Variants in MAOB observed in about 807,000 individuals in gnomAD.
The protein encoded by MAOB is monoamine oxidase B, also known as amine oxidase [flavin-containing] B.
MAOB carries 15 observed loss-of-function variants against 41.9 expected under a neutral mutation model. That is an observed-to-expected ratio of 0.36 (90% CI 0.24 to 0.55). MAOB has a LOEUF of 0.55. Among genes scored for constraint, MAOB ranks in the 20% least tolerant of loss-of-function variants. The pLI, the probability that MAOB is intolerant of heterozygous loss-of-function variation, is 0.86. For synonymous variants in MAOB, 167 were observed against 144.2 expected, an observed-to-expected ratio of 1.16 and a Z score of -1.13; for missense variants, 345 against 398.7, an observed-to-expected ratio of 0.87 and a Z score of 1.15.
chrX:43,825,783 G>A (rs1199492908), intron 3 of MAOB, among the ~76,000 whole-genome samples: 2 of 112,034 alleles, frequency 1.8e-5, no homozygotes, highest in East Asian at 5.6e-4. Flanking sequence ...CTAAACTTGA[G>A]CTCTAAAATA....
Position 43,777,550 on chromosome X carries a change from G to A in MAOB, c.1137+1132C>T, listed in dbSNP as rs59743850. Among the ~76,000 whole-genome samples the A allele has an allele frequency of 8.2e-3, 920 of 111,585 alleles. 11 individuals are homozygous for A. Among genetic ancestry groups the A allele is most frequent in the African/African-American group, 0.029 (879 of 30,680 alleles). ...GGCGAGGAGGGAGGGAGAGAATTTT[G>A]CTTTAAAATAGTGAACAAAAATGAC... is the stretch of plus-strand genomic sequence containing the variant. On this transcript the variant is annotated intron_variant, in intron 11 of 14. Coordinates refer to ENST00000378069, the MANE Select transcript of MAOB (RefSeq NM_000898.5).
chrX:43,783,299 T>G (rs933243330), intron 8 of MAOB, among the ~76,000 whole-genome samples: 2 of 111,728 alleles, frequency 1.8e-5, no homozygotes, highest in Admixed American at 9.5e-5. Flanking sequence ...AAACCCTCAT[T>G]TCAAACATGA....
At chrX:43,847,082 G>T (rs984232232) in intron 1 of MAOB, among the ~76,000 whole-genome samples, 1 of 112,241 alleles carries the variant, frequency 8.9e-6, no homozygotes, top group Non-Finnish European at 1.9e-5. Flanking sequence ...GGTGGCTTAC[G>T]CCTGTAATCC....
intron 3 of MAOB, among the ~76,000 whole-genome samples, chrX:43,821,453 CG>C (rs2034879886): frequency 1.8e-5 from 2 of 111,508 alleles, no homozygotes; most frequent in Admixed American, 1.9e-4. Flanking sequence ...TCACAGGTGC[CG>C]GATGACAGGC....
chrX:43,786,766 G>T (rs1296346498), intron 8 of MAOB, among the ~76,000 whole-genome samples: 1 of 111,378 alleles, frequency 9.0e-6, no homozygotes, highest in Admixed American at 9.6e-5. Flanking sequence ...CTGCTTTCTC[G>T]ATGTAGGGGC....
chrX:43,795,843 T>G lies in MAOB; in HGVS notation c.664A>C (p.Met222Leu). 8.3e-7 allele frequency: 1 copy of G among 1,210,184 alleles called. No individual in the cohort carries two copies. The highest frequency in any genetic ancestry group is 3.0e-5 in the East Asian group (1 of 33,826). Residue 222 changes from methionine to leucine, a missense_variant, in exon 7 of 15, where the codon ATG (methionine) becomes CTG (leucine). Transcript: ENST00000378069. Reference sequence around the variant, plus strand: ...TTCACTCGGTCTCCAAGGAGGTCCATTATCCGCTCACTCACTTGACCAGAT... The same window carrying G: ...TTCACTCGGTCTCCAAGGAGGTCCAGTATCCGCTCACTCACTTGACCAGAT... ...GGSGQVSERI[M>L]DLLGDRVKLE...
At chrX:43,821,016 G>A (rs1309888250) in intron 3 of MAOB, among the ~76,000 whole-genome samples, 1 of 112,032 alleles carries the variant, frequency 8.9e-6, no homozygotes, top group Non-Finnish European at 1.9e-5. Flanking sequence ...CTCCAGGGCT[G>A]TGGCAAAGAT....
At chrX:43,808,699 G>GACACACACACACACACACAC (rs147523888) in intron 3 of MAOB, among the ~76,000 whole-genome samples, 14 of 87,628 alleles carry the variant, frequency 1.6e-4, no homozygotes, top group African/African-American at 4.8e-4. Flanking sequence ...TCTACACATA[G>GACACACACACACACACACAC]ACACACACAC....
intron 1 of MAOB, among the ~76,000 whole-genome samples, chrX:43,880,428 C>A (rs1017408887): frequency 8.9e-6 from 1 of 112,506 alleles, no homozygotes; most frequent in African/African-American, 3.2e-5. Flanking sequence ...TGCCATATTT[C>A]AGACTCTGCA....
In MAOB at chrX:43,857,845, T is replaced by C. The variant is rs6520902; in HGVS notation, c.47-14081A>G. ...ATAGAATAGTAGGTAAAGTGTGAGA[T>C]GGGCAAGTGTAAAACAATAGCCAAC... On this transcript the variant is annotated intron_variant, in intron 1 of 14. Coordinates refer to ENST00000378069, the MANE Select transcript of MAOB (RefSeq NM_000898.5). Among the ~76,000 whole-genome samples the C allele has an allele frequency of 5.4e-3, 604 of 112,107 alleles. 3 individuals carry two copies. Among genetic ancestry groups the C allele is most frequent in the African/African-American group, 0.019 (574 of 30,872 alleles).
chrX:43,809,701 T>C (rs1043397494), intron 3 of MAOB, among the ~76,000 whole-genome samples: 1 of 112,034 alleles, frequency 8.9e-6, no homozygotes, highest in African/African-American at 3.2e-5. Context: ...CAGTGATTAT[T>C]ACTGTTTTGA....
chrX:43,852,371 C>A (rs1156381832), intron 1 of MAOB, among the ~76,000 whole-genome samples: 3 of 111,998 alleles, frequency 2.7e-5, no homozygotes, highest in Non-Finnish European at 5.6e-5. Flanking sequence ...TTAAACAAAG[C>A]TGTTTAGGAA....
At chrX:43,824,900 A>G (rs970945180) in intron 3 of MAOB, among the ~76,000 whole-genome samples, 2 of 113,168 alleles carry the variant, frequency 1.8e-5, no homozygotes, top group Admixed American at 1.9e-4. Context: ...GAGGTTCTGC[A>G]GAATAGTACT....
chrX:43,767,386 G>T lies in MAOB; in HGVS notation c.*80C>A. The T allele has an allele frequency of 9.9e-7, 1 of 1,007,044 alleles. No homozygotes were observed. Among genetic ancestry groups the T allele is most frequent in the Non-Finnish European group, 1.4e-6 (1 of 738,367 alleles). 83.0% of individuals were successfully genotyped at this position (1,007,044 alleles called of 1,213,427 possible). ...TCACTCCACACTATTTGTCTTCATGGAACTTTACTGCAACTCTTTCCCCAA... is the reference window on the plus strand; with the variant it reads ...TCACTCCACACTATTTGTCTTCATGTAACTTTACTGCAACTCTTTCCCCAA... On this transcript the variant is annotated 3_prime_UTR_variant, in exon 15 of 15. Coordinates refer to ENST00000378069, the MANE Select transcript of MAOB (RefSeq NM_000898.5).
At chrX:43,789,934 TG>T (rs2034443915) in intron 8 of MAOB, among the ~76,000 whole-genome samples, 1 of 111,202 alleles carries the variant, frequency 9.0e-6, no homozygotes, top group African/African-American at 3.3e-5. Flanking sequence ...TGGGATTGGG[TG>T]GGGGGTGTGG....
chrX:43,795,876 C>A lies in MAOB; in HGVS notation c.631G>T (p.Val211Leu). The change falls in exon 7 of 15, where the codon GTG (valine) becomes TTG (leucine). Residue 211 changes from valine (V) to leucine (L), a missense_variant. Physicochemically the swap from Val to Leu is conservative, Grantham distance 32. Transcript: ENST00000378069. ...TCACTCACTTGACCAGATCCGCCCA[C>A]AAATTTCCTCTCCTGGAAAGAGAAA... ...TTNGGQERKFVGGSGQVSERI... is the reference protein window; with the variant it reads ...TTNGGQERKFLGGSGQVSERI... 1.7e-6 allele frequency: 2 copies of A among 1,206,689 alleles called. No individual in the cohort carries two copies. The highest frequency in any genetic ancestry group is 1.1e-6 in the Non-Finnish European group (1 of 893,851).
chrX:43,796,880 T>TA (rs2034534590), intron 6 of MAOB, among the ~76,000 whole-genome samples: 1 of 111,949 alleles, frequency 8.9e-6, no homozygotes, highest in African/African-American at 3.3e-5. Flanking sequence ...TAATTGAGCG[T>TA]ATGGAAAATG....
intron 1 of MAOB, among the ~76,000 whole-genome samples, chrX:43,865,102 G>T (rs961342991): frequency 8.9e-6 from 1 of 112,189 alleles, no homozygotes; most frequent in Non-Finnish European, 1.9e-5. Flanking sequence ...GTACAAGAAT[G>T]TTCATAGCAG....
chrX:43,853,399 G>A (rs182447355), intron 1 of MAOB, among the ~76,000 whole-genome samples: 3 of 110,849 alleles, frequency 2.7e-5, no homozygotes, highest in East Asian at 5.7e-4. Context: ...CCAAAGATAG[G>A]CCCGGGGGCA....
Sources: allele counts gnomAD v4.1 joint callset (sites outside exome capture counted in the v4.1 genomes callset), GRCh38; gene constraint gnomAD v4.1.1; transcripts MANE v1.5; gene names NCBI Gene and HGNC (gene_info 2026-07-23, HGNC 2026-07-21).